Variants in SLFN5 observed in about 807,000 individuals in gnomAD.
SLFN5 encodes schlafen family member 5.
In SLFN5, 34 loss-of-function variants were observed where a neutral mutation model predicts 48.5. That is an observed-to-expected ratio of 0.70 (90% CI 0.53 to 0.93). The LOEUF is 0.93. Ranked by LOEUF, SLFN5 falls within the 40% of genes least tolerant of loss-of-function variation. SLFN5 has a pLI of 0.00. For missense variants in SLFN5, 1,006 were observed against 1,071.3 expected (o/e 0.94, Z 0.85); for synonymous variants, 387 against 396.2 (o/e 0.98, Z 0.28).
At chr17:35,248,013 T>C (rs1328452177) in intron 1 of SLFN5, among the ~76,000 whole-genome samples, 3 of 152,188 alleles carry the variant, frequency 2.0e-5, no homozygotes, top group African/African-American at 7.2e-5. Flanking sequence ...AACTGTACGG[T>C]TGGGGACCTG....
intron 1 of SLFN5, among the ~76,000 whole-genome samples, chr17:35,257,422 C>A (rs576819373): frequency 2.6e-5 from 4 of 152,156 alleles, no homozygotes; most frequent in African/African-American, 9.7e-5. Context: ...TCTTGGCAGC[C>A]GGACAGGTGG....
chr17:35,272,896 T>C lies in SLFN5; in HGVS notation c.*7008T>C, dbSNP rs1396744781. 1 of 152,208 alleles carries C rather than the reference T, an allele frequency of 6.6e-6. No homozygotes were observed. The highest frequency in any genetic ancestry group is 6.5e-5 in the Admixed American group (1 of 15,280). The allele number at this position is 152,208 out of a possible 1,614,324, so 9.4% of individuals were successfully genotyped here. ...TTGGTACATCTTCTACTGAGAACAA[T>C]CCGGCAGTAGTTAACAAAATTGTGA... On this transcript the variant is annotated 3_prime_UTR_variant, in exon 5 of 5. Transcript: ENST00000299977.
At chr17:35,253,152 G>A (rs1012856700) in intron 1 of SLFN5, among the ~76,000 whole-genome samples, 13 of 151,946 alleles carry the variant, frequency 8.6e-5, no homozygotes, top group African/African-American at 3.1e-4. Context: ...GCATGGTAGC[G>A]GGGGTGTATA....
At position 35,265,423 on chromosome 17, in the gene SLFN5, C is replaced by T; in HGVS notation, c.2211C>T (p.Leu737=). The change falls in exon 5 of 5, where the codon CTC becomes CTT. Residue 737 remains leucine, a synonymous_variant. Coordinates refer to ENST00000299977, the MANE Select transcript of SLFN5 (RefSeq NM_144975.4). The part of the protein sequence containing the change: ...QEARQNPPPN[L]PPGSLVMLYE... ...CCCGACAAAATCCTCCACCTAACCT[C>T]CCCCCTGGGTCCCTGGTGATGCTCT... is the stretch of plus-strand genomic sequence containing the variant. 2 of 1,614,194 alleles carry T rather than the reference C, an allele frequency of 1.2e-6. No homozygotes were observed. Among genetic ancestry groups the T allele is most frequent in the East Asian group, 2.2e-5 (1 of 44,884 alleles).
At chr17:35,249,548 C>T (rs554585972) in intron 1 of SLFN5, among the ~76,000 whole-genome samples, 2 of 152,322 alleles carry the variant, frequency 1.3e-5, no homozygotes, top group African/African-American at 4.8e-5. Flanking sequence ...TCAATCTCTT[C>T]CTCTGAGTAA....
At position 35,264,826 on chromosome 17, in the gene SLFN5, G is replaced by A; in HGVS notation, c.1782G>A (p.Lys594=). The change falls in exon 4 of 5, where the codon AAG becomes AAA. Residue 594 remains lysine, a synonymous_variant. Coordinates refer to ENST00000299977, the MANE Select transcript of SLFN5 (RefSeq NM_144975.4). Reference sequence around the variant, plus strand: ...TCTTGGCTCTTAGGATCATGGAGAAGATCAGGAATGTGTTTCACTGTGAAC... The same window carrying A: ...TCTTGGCTCTTAGGATCATGGAGAAAATCAGGAATGTGTTTCACTGTGAAC... ...KTILALRIME[K]IRNVFHCEPA... The A allele has an allele frequency of 6.3e-7, 1 of 1,595,512 alleles. No homozygotes were observed. Among genetic ancestry groups the A allele is most frequent in the South Asian group, 1.1e-5 (1 of 87,210 alleles).
chr17:35,244,013 C>G (rs2092425101), intron 1 of SLFN5, among the ~76,000 whole-genome samples: 1 of 152,182 alleles, frequency 6.6e-6, no homozygotes, highest in African/African-American at 2.4e-5. Context: ...CTTTCTTCGT[C>G]TCAGATTACA....
intron 3 of SLFN5, among the ~76,000 whole-genome samples, chr17:35,261,322 C>T (rs11080333): frequency 0.81 from 122,955 of 152,096 alleles, 49,852 homozygotes; most frequent in Middle Eastern, 0.91. Flanking sequence ...CTTAAAAAGA[C>T]TGATAAATTT....
At position 35,266,177 on chromosome 17, in the gene SLFN5, T is replaced by TGTGTGTGTGTGTGTGTGTGC; in HGVS notation, c.*290_*291insTGTGTGTGTGTGTGTGTGCG. ...GTGTGTGTGTGTGTGTGTGTGTGTG[T>TGTGTGTGTGTGTGTGTGTGC]GCGCGCGCGCACGTGCACATGTGTG... is the stretch of plus-strand genomic sequence containing the variant. On this transcript the variant is annotated 3_prime_UTR_variant, in exon 5 of 5. Transcript: ENST00000299977. The TGTGTGTGTGTGTGTGTGTGC allele has an allele frequency of 5.9e-6, 1 of 170,412 alleles. No homozygotes were observed. The highest frequency in any genetic ancestry group is 1.2e-5 in the Non-Finnish European group (1 of 83,926). The allele number at this position is 170,412 out of a possible 1,614,324, so 10.6% of individuals were successfully genotyped here.
intron 1 of SLFN5, among the ~76,000 whole-genome samples, chr17:35,257,525 C>G (rs1432407215): frequency 6.7e-6 from 1 of 150,172 alleles, no homozygotes; most frequent in East Asian, 1.9e-4. Context: ...ATCTCAGATC[C>G]TTTGTTCCCG....
intron 1 of SLFN5, among the ~76,000 whole-genome samples, chr17:35,245,688 G>C (rs1372996643): frequency 6.6e-6 from 1 of 152,170 alleles, no homozygotes; most frequent in Non-Finnish European, 1.5e-5. Flanking sequence ...TTACGGTTGA[G>C]TAGTCTTCTA....
rs1567792895 is a variant in SLFN5, at chr17:35,265,267, C to T, written c.2055C>T (p.Tyr685=). Residue 685 remains tyrosine (Y), a synonymous_variant, in exon 5 of 5, where the codon TAC becomes TAT. Coordinates refer to ENST00000299977, the MANE Select transcript of SLFN5 (RefSeq NM_144975.4). ...GPGVLWIFLD[Y]FQTYHLSCSG... is the part of the protein sequence containing the mutation. The stretch of plus-strand genomic sequence containing the variant: ...GAGTTCTCTGGATCTTTCTGGACTA[C>T]TTTCAGACCTATCACTTGAGTTGCA... 6.2e-7 allele frequency: 1 copy of T among 1,614,200 alleles called. No individual in the cohort carries two copies. The highest frequency in any genetic ancestry group is 1.1e-5 in the South Asian group (1 of 91,080).
intron 1 of SLFN5, among the ~76,000 whole-genome samples, chr17:35,247,607 T>G (rs2092433701): frequency 6.6e-6 from 1 of 152,238 alleles, no homozygotes. Context: ...GATTCTCATT[T>G]GATACCCGGG....
chr17:35,265,824 A>G lies in SLFN5; in HGVS notation c.2612A>G (p.Asn871Ser), dbSNP rs2142706638. The change falls in exon 5 of 5, where the codon AAT becomes AGT. Residue 871 changes from asparagine (N) to serine (S), a missense_variant. Transcript: ENST00000299977. ...PGVAPPAGAY[N>S]LLLCLASRAK... ...GTAGCCCCACCGGCTGGGGCCTACA[A>G]TCTTCTGCTCTGTTTGGCTTCTAGG... The G allele has an allele frequency of 2.5e-6, 4 of 1,614,156 alleles. No homozygotes were observed. Among genetic ancestry groups the G allele is most frequent in the South Asian group, 1.1e-5 (1 of 91,076 alleles).
rs752163157 is a variant in SLFN5 at position 35,264,417 on chromosome 17, A to T, written c.1373A>T (p.Lys458Met). 1.9e-6 allele frequency: 3 copies of T among 1,614,182 alleles called. No homozygotes were observed. The Admixed American group carries it at 5.0e-5, about 27-fold the overall frequency. The change falls in exon 4 of 5, where the codon AAG (lysine) becomes ATG (methionine). Residue 458 changes from lysine to methionine, a missense_variant. By Grantham distance (95) the Lys-to-Met change is moderately conservative. Transcript: ENST00000299977. ...NTPILYTIFS[K>M]WDAGCKGYSM... The stretch of plus-strand genomic sequence containing the variant: ...CCTATTCTCTACACCATCTTCAGCA[A>T]GTGGGATGCGGGGTGCAAGGGCTAT...
Position 35,272,654 on chromosome 17 carries a change from C to CA in SLFN5, c.*6772dup, listed in dbSNP as rs1265781145. 6.6e-6 allele frequency: 1 copy of CA among 152,070 alleles called. No individual in the cohort carries two copies. Among genetic ancestry groups the CA allele is most frequent in the Admixed American group, 6.6e-5 (1 of 15,264 alleles). The allele number at this position is 152,070 out of a possible 1,614,324, so 9.4% of individuals were successfully genotyped here. ...AGCCAAATAGTTAATTTCTTATTTT[C>CA]AAAAAATAGCTTCTACAAATCGAAG... On this transcript the variant is annotated 3_prime_UTR_variant, in exon 5 of 5. Coordinates refer to ENST00000299977, the MANE Select transcript of SLFN5 (RefSeq NM_144975.4).
rs549012700 is a variant in SLFN5 at position 35,266,177 on chromosome 17, TGC to T, written c.*298_*299del. Reference sequence around the variant, plus strand: ...GTGTGTGTGTGTGTGTGTGTGTGTGTGCGCGCGCGCACGTGCACATGTGTGTA... The same window carrying T: ...GTGTGTGTGTGTGTGTGTGTGTGTGTGCGCGCGCACGTGCACATGTGTGTA... On this transcript the variant is annotated 3_prime_UTR_variant, in exon 5 of 5. Coordinates refer to ENST00000299977, the MANE Select transcript of SLFN5 (RefSeq NM_144975.4). 1.2e-4 allele frequency: 20 copies of T among 173,260 alleles called. No homozygotes were observed. The highest frequency in any genetic ancestry group is 3.2e-4 in the South Asian group (2 of 6,226). 10.7% of individuals were successfully genotyped at this position (173,260 alleles called of 1,614,324 possible).
At chr17:35,245,524 T>C (rs1324205571) in intron 1 of SLFN5, among the ~76,000 whole-genome samples, 2 of 152,204 alleles carry the variant, frequency 1.3e-5, no homozygotes, top group Non-Finnish European at 1.5e-5. Flanking sequence ...GACTACTATA[T>C]ACTATCAGAA....
At chr17:35,251,115 C>T (rs960271438) in intron 1 of SLFN5, among the ~76,000 whole-genome samples, 33 of 152,204 alleles carry the variant, frequency 2.2e-4, no homozygotes, top group Admixed American at 1.2e-3. Context: ...AGTTCTTCAA[C>T]AGCCTCCTTC....
Sources: allele counts gnomAD v4.1 joint callset (sites outside exome capture counted in the v4.1 genomes callset), GRCh38; gene constraint gnomAD v4.1.1; transcripts MANE v1.5; gene names NCBI Gene and HGNC (gene_info 2026-07-23, HGNC 2026-07-21).